Variants in PTPRK observed in about 807,000 individuals in gnomAD.
PTPRK encodes protein tyrosine phosphatase receptor type K.
A neutral mutation model predicts 178.0 loss-of-function variants in PTPRK; 75 were observed. The observed-to-expected ratio is 0.42, with a 90% CI of 0.35 to 0.51. The LOEUF (loss-of-function observed/expected upper bound fraction) is 0.51. PTPRK is among the 20% of genes least tolerant of loss of function. PTPRK has a pLI of 0.02. For synonymous variants in PTPRK, 637 were observed against 620.6 expected (o/e 1.03, Z -0.39); for missense variants, 1,441 against 1,797.8 (o/e 0.80, Z 3.59).
intron 2 of PTPRK, among the ~76,000 whole-genome samples, chr6:128,380,285 T>C (rs1163096985): frequency 6.6e-6 from 1 of 151,894 alleles, no homozygotes; most frequent in Non-Finnish European, 1.5e-5. Flanking sequence ...GAAAATAAAA[T>C]TAAAAGGGTG....
At chr6:128,063,050 G>T (rs1277925392) in intron 13 of PTPRK, among the ~76,000 whole-genome samples, 1 of 151,984 alleles carries the variant, frequency 6.6e-6, no homozygotes, top group East Asian at 1.9e-4. Flanking sequence ...TGGAATGAGG[G>T]TTTACATAAG....
chr6:128,161,607 T>C (rs578197186), intron 7 of PTPRK, among the ~76,000 whole-genome samples: 1 of 151,698 alleles, frequency 6.6e-6, no homozygotes, highest in African/African-American at 2.4e-5. Context: ...CCAATTCAAA[T>C]TTAACTCTTA....
intron 1 of PTPRK, among the ~76,000 whole-genome samples, chr6:128,497,738 G>T: frequency 6.7e-6 from 1 of 150,280 alleles, no homozygotes; most frequent in Non-Finnish European, 1.5e-5. Context: ...CTCTTAATTT[G>T]GATCCAAATT....
At chr6:128,050,761 G>A (rs1400383653) in intron 13 of PTPRK, among the ~76,000 whole-genome samples, 1 of 152,096 alleles carries the variant, frequency 6.6e-6, no homozygotes, top group Non-Finnish European at 1.5e-5. Context: ...GGCTGATCTT[G>A]AACTCCTGGG....
intron 7 of PTPRK, among the ~76,000 whole-genome samples, chr6:128,168,696 G>T (rs1799772539): frequency 6.6e-6 from 1 of 152,068 alleles, no homozygotes; most frequent in Admixed American, 6.6e-5. Flanking sequence ...TGAGGTAGCA[G>T]CGTTGCACCC....
intron 2 of PTPRK, among the ~76,000 whole-genome samples, chr6:128,329,740 C>T (rs1830026117): frequency 6.6e-6 from 1 of 151,688 alleles, no homozygotes; most frequent in Non-Finnish European, 1.5e-5. Context: ...ATCTGCTTTA[C>T]TCAGTGTACC....
intron 1 of PTPRK, 105 bp downstream of exon 1, chr6:128,520,154 G>T: frequency 2.0e-6 from 2 of 1,013,702 alleles, no homozygotes; most frequent in Non-Finnish European, 2.9e-6. Flanking sequence ...CCCGGACAGA[G>T]AGAGCTCCCC....
intron 1 of PTPRK, among the ~76,000 whole-genome samples, chr6:128,508,336 A>C (rs1400582051): frequency 6.6e-6 from 1 of 151,314 alleles, no homozygotes; most frequent in East Asian, 1.9e-4. Context: ...CATGGAGTGA[A>C]AGAATAAATG....
chr6:128,461,620 T>C (rs577194760), intron 1 of PTPRK, among the ~76,000 whole-genome samples: 3 of 152,308 alleles, frequency 2.0e-5, no homozygotes, highest in South Asian at 2.1e-4. Context: ...ATAATTCACA[T>C]ACCACAAAAT....
At position 128,205,777 on chromosome 6, in the gene PTPRK, CAAAAAAAAAAA is replaced by C. The variant is rs57003128; in HGVS notation, c.868+13134_868+13144del. Reference sequence around the variant, plus strand: ...CACAGTGAGAATCTGCATCACAGACCAAAAAAAAAAAAAAAAAAAAAAAAAAAATTCAAGTT... The same window carrying C: ...CACAGTGAGAATCTGCATCACAGACCAAAAAAAAAAAAAAAAATTCAAGTT... On this transcript the variant is annotated intron_variant, in intron 6 of 29. Coordinates refer to ENST00000368226, the MANE Select transcript of PTPRK (RefSeq NM_002844.4). Among the ~76,000 whole-genome samples, 9 of 15,230 alleles carry C rather than the reference CAAAAAAAAAAA, an allele frequency of 5.9e-4. No individual in the cohort carries two copies. The South Asian group carries it at 6.8e-3, about 12-fold the overall frequency. 10.0% of individuals were successfully genotyped at this position (15,230 alleles called of 152,430 possible).
intron 7 of PTPRK, among the ~76,000 whole-genome samples, chr6:128,164,356 C>A (rs1799098913): frequency 6.6e-6 from 1 of 151,232 alleles, no homozygotes. Context: ...AAAGTTATGA[C>A]CCTAGGCTCA....
At chr6:128,387,354 A>G (rs1263389967) in intron 2 of PTPRK, among the ~76,000 whole-genome samples, 1 of 152,250 alleles carries the variant, frequency 6.6e-6, no homozygotes, top group East Asian at 1.9e-4. Context: ...AGCAACACAA[A>G]TGATACTCAT....
intron 7 of PTPRK, among the ~76,000 whole-genome samples, chr6:128,180,041 G>A (rs1386567499): frequency 6.6e-6 from 1 of 152,012 alleles, no homozygotes; most frequent in Non-Finnish European, 1.5e-5. Context: ...AATGTATTAT[G>A]TTCTGGACAC....
intron 11 of PTPRK, among the ~76,000 whole-genome samples, chr6:128,071,118 T>TA (rs11410139): frequency 0.39 from 58,024 of 148,908 alleles, 13,116 homozygotes; most frequent in Non-Finnish European, 0.5. Context: ...ATAGAGAGGT[T>TA]AAAAAAAAAA....
intron 6 of PTPRK, among the ~76,000 whole-genome samples, chr6:128,208,307 A>T (rs1465870395): frequency 2.6e-5 from 4 of 152,004 alleles, no homozygotes; most frequent in Non-Finnish European, 4.4e-5. Context: ...TCAAAAAAAA[A>T]AAAAAAAAAT....
At chr6:128,434,962 TGCAGGCAGGCAGGCAG>T (rs373811894) in intron 1 of PTPRK, among the ~76,000 whole-genome samples, 22 of 150,066 alleles carry the variant, frequency 1.5e-4, no homozygotes, top group African/African-American at 2.0e-4. Flanking sequence ...AGGTCAAGGT[TGCAGGCAGGCAGGCAG>T]GCAGGCAGGC....
intron 21 of PTPRK, among the ~76,000 whole-genome samples, chr6:127,990,280 C>T (rs1776455802): frequency 6.6e-6 from 1 of 152,148 alleles, no homozygotes. Flanking sequence ...CAGCTTTACA[C>T]ATGCCTCTAG....
At chr6:128,474,828 T>G (rs978143399) in intron 1 of PTPRK, among the ~76,000 whole-genome samples, 1 of 152,130 alleles carries the variant, frequency 6.6e-6, no homozygotes, top group Non-Finnish European at 1.5e-5. Flanking sequence ...ATGTCTCAAC[T>G]AAAACTGATG....
At chr6:128,350,304 C>G (rs1685134669) in intron 2 of PTPRK, among the ~76,000 whole-genome samples, 2 of 152,068 alleles carry the variant, frequency 1.3e-5, no homozygotes. Flanking sequence ...AATTTTAAAG[C>G]CTTCAGTGTT....
Sources: gnomAD v4.1 joint callset for allele counts (sites outside exome capture counted in the v4.1 genomes callset) on GRCh38, gnomAD v4.1.1 for gene constraint, MANE v1.5 for transcripts, NCBI Gene and HGNC (gene_info 2026-07-23, HGNC 2026-07-21) for gene names.